MGAT4C: variants seen among roughly 807,000 people sequenced by gnomAD.
The protein encoded by MGAT4C is alpha-1,3-mannosyl-glycoprotein 4-beta-N-acetylglucosaminyltransferase C.
A neutral mutation model predicts 40.1 loss-of-function variants in MGAT4C; 19 were observed. That is an observed-to-expected ratio of 0.47 (90% CI 0.33 to 0.70). The LOEUF is 0.70. MGAT4C is among the 30% of genes least tolerant of loss of function. The pLI is 0.02. For missense variants in MGAT4C, 491 were observed against 563.2 expected, an observed-to-expected ratio of 0.87 and a Z score of 1.30; for synonymous variants, 181 against 187.1, an observed-to-expected ratio of 0.97 and a Z score of 0.27.
At chr12:86,353,414 T>C (rs1955223975) in intron 3 of MGAT4C, among the ~76,000 whole-genome samples, 1 of 152,150 alleles carries the variant, frequency 6.6e-6, no homozygotes, top group African/African-American at 2.4e-5. Context: ...TGGGGTGAGT[T>C]CTCTCTGCAC....
chr12:86,193,859 C>T (rs148539749), intron 1 of MGAT4C, among the ~76,000 whole-genome samples: 229 of 152,148 alleles, frequency 1.5e-3, no homozygotes, highest in African/African-American at 5.2e-3. Flanking sequence ...TTCCTTTTAA[C>T]TTTGAGCTTT....
At chr12:86,258,823 A>T (rs1952595769), upstream of MGAT4C, among the ~76,000 whole-genome samples, 1 of 152,022 alleles carries the variant, frequency 6.6e-6, no homozygotes, top group Admixed American at 6.6e-5. Flanking sequence ...TAACAAAATT[A>T]TTGGCTTATA....
chr12:86,127,747 T>C (rs1247059835), intron 1 of MGAT4C, among the ~76,000 whole-genome samples: 1 of 152,160 alleles, frequency 6.6e-6, no homozygotes, highest in Non-Finnish European at 1.5e-5. Context: ...GACACACAGA[T>C]TAGCCTAGTA....
chr12:86,116,831 A>G (rs1878508945), intron 1 of MGAT4C, among the ~76,000 whole-genome samples: 1 of 152,144 alleles, frequency 6.6e-6, no homozygotes, highest in Admixed American at 6.6e-5. Flanking sequence ...ATTGACATCA[A>G]TACTTTAGGG....
intron 3 of MGAT4C, among the ~76,000 whole-genome samples, chr12:86,417,102 C>T (rs1325754850): frequency 6.6e-6 from 1 of 151,982 alleles, no homozygotes; most frequent in Non-Finnish European, 1.5e-5. Context: ...AAAATTATCA[C>T]CAACAGTCTG....
At chr12:86,760,439 G>T (rs552321792) in intron 1 of MGAT4C, among the ~76,000 whole-genome samples, 114 of 151,954 alleles carry the variant, frequency 7.5e-4, no homozygotes, top group African/African-American at 2.6e-3. Flanking sequence ...AATGTAAAAT[G>T]AGTGATTCAA....
At chr12:86,729,840 G>A (rs1655918669) in intron 1 of MGAT4C, among the ~76,000 whole-genome samples, 1 of 152,092 alleles carries the variant, frequency 6.6e-6, no homozygotes, top group Non-Finnish European at 1.5e-5. Context: ...ACTTTTTAAT[G>A]GGAGATTTAA....
intron 2 of MGAT4C, among the ~76,000 whole-genome samples, chr12:86,666,648 A>C (rs1964114709): frequency 6.6e-6 from 1 of 152,212 alleles, no homozygotes; most frequent in Non-Finnish European, 1.5e-5. Context: ...GTTTCCCCAC[A>C]AATGTTTTTG....
chr12:86,507,561 G>A (rs1958492263), intron 2 of MGAT4C, among the ~76,000 whole-genome samples: 1 of 152,168 alleles, frequency 6.6e-6, no homozygotes, highest in Non-Finnish European at 1.5e-5. Context: ...CTTGTCCAAA[G>A]CAGATTAGAG....
At chr12:86,073,648 A>G (rs1869050670) in intron 1 of MGAT4C, among the ~76,000 whole-genome samples, 1 of 151,964 alleles carries the variant, frequency 6.6e-6, no homozygotes, top group Non-Finnish European at 1.5e-5. Flanking sequence ...TGACTACTCC[A>G]CTGGATTTTG....
At chr12:85,991,949 C>A (rs550742405) in intron 2 of MGAT4C, among the ~76,000 whole-genome samples, 1 of 152,240 alleles carries the variant, frequency 6.6e-6, no homozygotes, top group African/African-American at 2.4e-5. Context: ...TGGTGACCAG[C>A]GAGCCATCTT....
chr12:85,967,111 A>G lies in MGAT4C; in HGVS notation c.*12178T>C, dbSNP rs987993915. 6.6e-6 allele frequency: 1 copy of G among 152,162 alleles called. No individual in the cohort carries two copies. Among genetic ancestry groups the G allele is most frequent in the Admixed American group, 6.5e-5 (1 of 15,270 alleles). 9.4% of individuals were successfully genotyped at this position (152,162 alleles called of 1,614,324 possible). On this transcript the variant is annotated 3_prime_UTR_variant, in exon 5 of 5. Transcript: ENST00000611864. The stretch of plus-strand genomic sequence containing the variant: ...ATTCACAAACTTGCAGGATGAAAAA[A>G]GTTATTAGTTCCTGAAGATATAACA...
chr12:86,645,742 G>T (rs1963523728), intron 2 of MGAT4C, among the ~76,000 whole-genome samples: 1 of 151,602 alleles, frequency 6.6e-6, no homozygotes, highest in African/African-American at 2.4e-5. Context: ...CATTCTTCTT[G>T]ACAGCAGTGG....
chr12:86,122,364 T>TTA (rs1471266525), intron 1 of MGAT4C, among the ~76,000 whole-genome samples: 1 of 152,178 alleles, frequency 6.6e-6, no homozygotes, highest in African/African-American at 2.4e-5. Flanking sequence ...TGTGCCACTG[T>TTA]TATTATTACT....
chr12:86,099,456 T>C (rs1874550027), intron 1 of MGAT4C, among the ~76,000 whole-genome samples: 1 of 151,202 alleles, frequency 6.6e-6, no homozygotes, highest in Non-Finnish European at 1.5e-5. Context: ...AGTTCCGGGA[T>C]ACATGTGCAG....
chr12:86,347,922 T>G (rs906774791), intron 3 of MGAT4C, among the ~76,000 whole-genome samples: 4 of 152,212 alleles, frequency 2.6e-5, no homozygotes, highest in Non-Finnish European at 1.5e-5. Context: ...TCATATTTTA[T>G]TCTGTAACAA....
intron 4 of MGAT4C, among the ~76,000 whole-genome samples, chr12:86,279,209 T>C (rs1953154685): frequency 6.6e-6 from 1 of 152,206 alleles, no homozygotes; most frequent in African/African-American, 2.4e-5. Flanking sequence ...TCTCTATTTT[T>C]TGGAATAGTT....
chr12:86,288,901 A>C (rs770895812), intron 4 of MGAT4C, among the ~76,000 whole-genome samples: 9 of 152,032 alleles, frequency 5.9e-5, no homozygotes, highest in Non-Finnish European at 1.0e-4. Context: ...GCTTTGTAGA[A>C]GCTCTTTAGT....
chr12:86,680,570 G>A (rs1322541823), intron 2 of MGAT4C, among the ~76,000 whole-genome samples: 1 of 151,990 alleles, frequency 6.6e-6, no homozygotes, highest in Admixed American at 6.6e-5. Flanking sequence ...TCTGGCCATA[G>A]GGTTGCATAG....
Sources: allele counts gnomAD v4.1 joint callset (sites outside exome capture counted in the v4.1 genomes callset), GRCh38; gene constraint gnomAD v4.1.1; transcripts MANE v1.5; gene names NCBI Gene and HGNC (gene_info 2026-07-23, HGNC 2026-07-21).